TLL2: variants seen among roughly 807,000 people sequenced by gnomAD.
The protein encoded by TLL2 is tolloid like 2, also known as tolloid-like protein 2.
In TLL2, 106 loss-of-function variants were observed where a neutral mutation model predicts 123.0. The observed-to-expected ratio is 0.86, with a 90% CI of 0.74 to 1.01. The LOEUF is 1.01. Among genes scored for constraint, TLL2 ranks in the 50% least tolerant of loss-of-function variants. The probability of loss-of-function intolerance (pLI) is 0.00; values close to 1 mark genes in which losing one functional copy is unlikely to be tolerated. For missense variants in TLL2, 1,332 were observed against 1,336.7 expected (o/e 1.00, Z 0.06); for synonymous variants, 494 against 516.8 (o/e 0.96, Z 0.60).
At chr10:96,414,262 T>C (rs76992537) in intron 7 of TLL2, among the ~76,000 whole-genome samples, 3 of 152,146 alleles carry the variant, frequency 2.0e-5, no homozygotes, top group Non-Finnish European at 4.4e-5. Flanking sequence ...CACCACCTTG[T>C]TTTTTTCCTT....
rs779870865 is a variant in TLL2, at chr10:96,446,123, G to A, written c.332C>T (p.Ala111Val). 2 of 1,614,032 alleles carry A rather than the reference G, an allele frequency of 1.2e-6. No homozygotes were observed. Among genetic ancestry groups the A allele is most frequent in the South Asian group, 2.2e-5 (2 of 91,076 alleles). Residue 111 changes from alanine (A) to valine (V), a missense_variant, in exon 3 of 21, where the codon GCC (alanine) becomes GTC (valine). Physicochemically the swap from Ala to Val is moderately conservative, Grantham distance 64 (BLOSUM62 0). Coordinates refer to ENST00000357947, the MANE Select transcript of TLL2 (RefSeq NM_012465.4). ...QASESSPDTT[A>V]MDTGTKEAGK... Reference sequence around the variant, plus strand: ...AGCTTCCTTGGTGCCAGTGTCCATGGCTGTGGTGTCTGGGCTGCTCTCAGA... The same window carrying A: ...AGCTTCCTTGGTGCCAGTGTCCATGACTGTGGTGTCTGGGCTGCTCTCAGA...
intron 3 of TLL2, among the ~76,000 whole-genome samples, chr10:96,436,007 C>G (rs7081009): frequency 0.98 from 149,462 of 152,216 alleles, 73,446 homozygotes; most frequent in Middle Eastern, 1. Flanking sequence ...ATTTGTTTCT[C>G]TGTGTGTGTT....
chr10:96,491,132 G>A (rs1253713016), intron 1 of TLL2, among the ~76,000 whole-genome samples: 3 of 152,116 alleles, frequency 2.0e-5, no homozygotes, highest in African/African-American at 7.2e-5. Flanking sequence ...TATAATCCTA[G>A]AACTTTGGGA....
At position 96,471,012 on chromosome 10, in the gene TLL2, A is replaced by C. The variant is rs142582981; in HGVS notation, c.286+9337T>G. 2.2e-4 allele frequency among the ~76,000 whole-genome samples: 33 copies of C among 151,492 alleles called. 1 individual carries two copies. The East Asian group carries it at 4.5e-3, about 21-fold the overall frequency. On this transcript the variant is annotated intron_variant, in intron 2 of 20. Coordinates refer to ENST00000357947, the MANE Select transcript of TLL2 (RefSeq NM_012465.4). ...ACAACTTGGGAAGTCTTTTTTTTTG[A>C]GGGGGGAGACAAAGTTTTGCTCTGT...
chr10:96,371,945 C>G (rs1449244398), intron 19 of TLL2, among the ~76,000 whole-genome samples: 1 of 152,220 alleles, frequency 6.6e-6, no homozygotes, highest in Non-Finnish European at 1.5e-5. Context: ...GCTCCCTCCT[C>G]TCATCCTCTG....
intron 1 of TLL2, among the ~76,000 whole-genome samples, chr10:96,495,418 G>A (rs1039008756): frequency 3.9e-5 from 6 of 151,958 alleles, no homozygotes; most frequent in Admixed American, 3.3e-4. Context: ...AAAGTTAATC[G>A]GCTTAAAGTG....
intron 19 of TLL2, chr10:96,373,298 TG>T: frequency 6.2e-6 from 2 of 321,946 alleles, no homozygotes; most frequent in Non-Finnish European, 1.2e-5. Context: ...CCAACCACCA[TG>T]CCCAGCTAAT....
intron 2 of TLL2, among the ~76,000 whole-genome samples, chr10:96,448,825 A>T (rs1185967805): frequency 1.3e-5 from 2 of 152,032 alleles, no homozygotes; most frequent in East Asian, 3.9e-4. Flanking sequence ...CAAGGAGATG[A>T]TGAGGTCAGC....
At chr10:96,373,472 C>A (rs986858852) in intron 19 of TLL2, 124 bp downstream of exon 19, 1 of 885,638 alleles carries the variant, frequency 1.1e-6, no homozygotes, top group South Asian at 1.6e-5. Context: ...CATTTTATCA[C>A]GCACCTTCCT....
chr10:96,408,254 T>C (rs1846469702), intron 9 of TLL2, among the ~76,000 whole-genome samples: 1 of 152,254 alleles, frequency 6.6e-6, no homozygotes, highest in African/African-American at 2.4e-5. Context: ...ATGAATGGGA[T>C]AATTATTCAG....
intron 5 of TLL2, 98 bp downstream of exon 5, chr10:96,428,533 A>G (rs1427916700): frequency 2.5e-6 from 2 of 804,482 alleles, no homozygotes; most frequent in Admixed American, 4.6e-5. Context: ...TCCTCTAAAT[A>G]ACAGCTCATT....
chr10:96,423,674 G>A (rs1351736586), intron 5 of TLL2, among the ~76,000 whole-genome samples: 1 of 152,080 alleles, frequency 6.6e-6, no homozygotes, highest in Non-Finnish European at 1.5e-5. Context: ...TCTACCAATG[G>A]GATTCATGGG....
intron 13 of TLL2, among the ~76,000 whole-genome samples, chr10:96,393,723 T>C (rs911540473): frequency 3.1e-4 from 27 of 88,284 alleles, no homozygotes; most frequent in Non-Finnish European, 5.3e-4. Context: ...GGCCTGGCTT[T>C]TTTTTTCTTT....
At chr10:96,476,875 C>CACACACACACACACAG (rs1554939730) in intron 2 of TLL2, among the ~76,000 whole-genome samples, 20 of 144,536 alleles carry the variant, frequency 1.4e-4, no homozygotes, top group African/African-American at 5.4e-4. Context: ...CACACACACA[C>CACACACACACACACAG]ACACACACAC....
intron 1 of TLL2, among the ~76,000 whole-genome samples, chr10:96,499,555 T>C (rs1847511488): frequency 6.6e-6 from 1 of 152,240 alleles, no homozygotes; most frequent in South Asian, 2.1e-4. Context: ...GGTCTGTTAC[T>C]AGCAGTTTAA....
At chr10:96,431,312 C>T (rs1454829414) in intron 4 of TLL2, among the ~76,000 whole-genome samples, 1 of 152,160 alleles carries the variant, frequency 6.6e-6, no homozygotes, top group African/African-American at 2.4e-5. Context: ...CACTAGGAAG[C>T]CGTGGGTTAA....
intron 19 of TLL2, among the ~76,000 whole-genome samples, chr10:96,371,323 A>G (rs1488023718): frequency 1.3e-4 from 14 of 110,420 alleles, no homozygotes; most frequent in Non-Finnish European, 2.0e-4. Context: ...TCCGTATCAA[A>G]AAAAAAAAAA....
intron 16 of TLL2, among the ~76,000 whole-genome samples, chr10:96,380,692 CAAAAAAAAAAAA>C (rs57395382): frequency 4.1e-4 from 22 of 53,104 alleles, no homozygotes; most frequent in African/African-American, 1.0e-3. Flanking sequence ...GACTCTATCT[CAAAAAAAAAAAA>C]AAAAAAAAAA....
At chr10:96,379,187 A>C in intron 16 of TLL2, 95 bp from the exon 17 acceptor site, 1 of 1,481,510 alleles carries the variant, frequency 6.7e-7, no homozygotes, top group South Asian at 1.2e-5. Flanking sequence ...TCCTCTGGGA[A>C]GCCTCTCTGA....
Sources: gnomAD v4.1 joint callset for allele counts (sites outside exome capture counted in the v4.1 genomes callset) on GRCh38, gnomAD v4.1.1 for gene constraint, MANE v1.5 for transcripts, NCBI Gene and HGNC (gene_info 2026-07-23, HGNC 2026-07-21) for gene names.